The following THSD7B variants were observed in gnomAD, a reference collection of about 807,000 sequenced individuals.
THSD7B encodes the protein thrombospondin type 1 domain containing 7B.
Under a neutral mutation model 213.6 loss-of-function variants are expected in THSD7B, and 138 were observed. That is an observed-to-expected ratio of 0.65 (90% CI 0.56 to 0.74). The LOEUF (loss-of-function observed/expected upper bound fraction) is 0.74, where lower values mean the gene tolerates loss of function less well. THSD7B is among the 30% of genes least tolerant of loss of function. The pLI, the probability that THSD7B is intolerant of heterozygous loss-of-function variation, is 0.00. For synonymous variants in THSD7B, 742 were observed against 687.0 expected, an observed-to-expected ratio of 1.08 and a Z score of -1.25; for missense variants, 1,931 against 1,991.5, an observed-to-expected ratio of 0.97 and a Z score of 0.58.
At chr2:137,369,915 G>A (rs1685505100) in intron 12 of THSD7B, among the ~76,000 whole-genome samples, 1 of 152,074 alleles carries the variant, frequency 6.6e-6, no homozygotes, top group African/African-American at 2.4e-5. Flanking sequence ...CTGGCACATA[G>A]TAAGCCATTA....
chr2:137,498,350 C>A (rs1220147342), intron 15 of THSD7B, among the ~76,000 whole-genome samples: 1 of 133,632 alleles, frequency 7.5e-6, no homozygotes, highest in South Asian at 2.4e-4. Context: ...TTTTTTTTTT[C>A]ATGTGGAAAG....
intron 15 of THSD7B, among the ~76,000 whole-genome samples, chr2:137,558,709 G>T (rs1427282055): frequency 1.3e-5 from 2 of 152,168 alleles, no homozygotes; most frequent in Non-Finnish European, 2.9e-5. Flanking sequence ...GGAAGTTCTG[G>T]CCAGGGCAAT....
intron 1 of THSD7B, among the ~76,000 whole-genome samples, chr2:136,766,930 A>G (rs973297830): frequency 3.3e-5 from 5 of 152,112 alleles, no homozygotes; most frequent in African/African-American, 1.2e-4. Context: ...TGGAAATGGT[A>G]ACCCATGCAG....
intron 3 of THSD7B, among the ~76,000 whole-genome samples, chr2:137,082,676 T>C (rs1687767455): frequency 3.3e-5 from 5 of 152,136 alleles, no homozygotes; most frequent in Admixed American, 3.3e-4. Flanking sequence ...ATGAAGGTAA[T>C]GGCCAAGACC....
chr2:137,250,621 G>A (rs1250794247), intron 10 of THSD7B, among the ~76,000 whole-genome samples: 1 of 152,184 alleles, frequency 6.6e-6, no homozygotes, highest in Non-Finnish European at 1.5e-5. Context: ...CTGCGTTTCA[G>A]GCTGTGTGCT....
chr2:137,114,277 G>A (rs191562671), intron 4 of THSD7B, among the ~76,000 whole-genome samples: 3 of 152,124 alleles, frequency 2.0e-5, no homozygotes, highest in Non-Finnish European at 2.9e-5. Context: ...TACGAATGCC[G>A]CAAGGTTATA....
At chr2:137,167,458 G>T (rs545008550) in intron 6 of THSD7B, among the ~76,000 whole-genome samples, 2 of 151,956 alleles carry the variant, frequency 1.3e-5, no homozygotes, top group African/African-American at 2.4e-5. Flanking sequence ...CAATGGAGTC[G>T]GTGTTGAGAC....
intron 7 of THSD7B, among the ~76,000 whole-genome samples, chr2:137,177,604 T>C (rs569426427): frequency 1.8e-4 from 28 of 152,280 alleles, no homozygotes; most frequent in African/African-American, 6.3e-4. Flanking sequence ...GCTCAAGAAC[T>C]TGTATTTCTG....
intron 1 of THSD7B, among the ~76,000 whole-genome samples, chr2:136,861,216 T>C (rs929577217): frequency 1.4e-4 from 21 of 152,230 alleles, no homozygotes; most frequent in African/African-American, 5.1e-4. Flanking sequence ...GGACCTGGCA[T>C]AGGAATATTA....
At chr2:137,313,705 G>A (rs1259316163) in intron 12 of THSD7B, among the ~76,000 whole-genome samples, 2 of 151,976 alleles carry the variant, frequency 1.3e-5, no homozygotes, top group African/African-American at 4.8e-5. Flanking sequence ...CGGCCTGGTG[G>A]TGACAAAATC....
rs551589815 is a variant in THSD7B, at chr2:136,817,427, A to C, written c.-36+51740A>C. On this transcript the variant is annotated intron_variant, in intron 1 of 27. Coordinates refer to ENST00000409968, the MANE Select transcript of THSD7B (RefSeq NM_001316349.2). ...ATTGCTTTTGGTGTTTTAGACATGA[A>C]GTCCTTGCCCATGCCTATGTCCTGA... 9.9e-4 allele frequency among the ~76,000 whole-genome samples: 150 copies of C among 151,588 alleles called. 1 individual carries two copies. The highest frequency in any genetic ancestry group is 8.9e-3 in the Admixed American group (135 of 15,220).
chr2:137,584,817 T>A (rs970479478), intron 17 of THSD7B, among the ~76,000 whole-genome samples: 1 of 152,118 alleles, frequency 6.6e-6, no homozygotes, highest in African/African-American at 2.4e-5. Flanking sequence ...TGTGTCTCTG[T>A]CAGGCTTTGG....
chr2:137,260,111 A>C (rs372164685), intron 10 of THSD7B, among the ~76,000 whole-genome samples: 19 of 152,344 alleles, frequency 1.2e-4, no homozygotes, highest in African/African-American at 4.1e-4. Context: ...ACACTTTAAA[A>C]ACATTTCAAA....
chr2:137,221,013 G>A (rs966673404), intron 7 of THSD7B, among the ~76,000 whole-genome samples: 2 of 152,198 alleles, frequency 1.3e-5, no homozygotes, highest in Admixed American at 6.5e-5. Context: ...CTTCTCAGTC[G>A]TTCCGAAAAG....
intron 2 of THSD7B, among the ~76,000 whole-genome samples, chr2:136,885,880 G>A (rs1293793031): frequency 6.6e-6 from 1 of 152,118 alleles, no homozygotes; most frequent in African/African-American, 2.4e-5. Flanking sequence ...GAAAAATGAG[G>A]CCAGGAGGAG....
intron 15 of THSD7B, among the ~76,000 whole-genome samples, chr2:137,518,757 A>C (rs1358603961): frequency 1.3e-5 from 2 of 152,212 alleles, no homozygotes; most frequent in Non-Finnish European, 2.9e-5. Flanking sequence ...GCATGGGCTC[A>C]GCAACGTGGA....
At chr2:137,556,442 A>C (rs552188833) in intron 15 of THSD7B, among the ~76,000 whole-genome samples, 2 of 152,278 alleles carry the variant, frequency 1.3e-5, no homozygotes, top group Non-Finnish European at 2.9e-5. Flanking sequence ...CAGCCAAACT[A>C]AGCTTCCTAA....
At chr2:137,303,965 C>A (rs1683677860) in intron 12 of THSD7B, among the ~76,000 whole-genome samples, 1 of 151,338 alleles carries the variant, frequency 6.6e-6, no homozygotes, top group African/African-American at 2.4e-5. Flanking sequence ...CCTAGCCCAC[C>A]ACCCCCTGAC....
intron 2 of THSD7B, among the ~76,000 whole-genome samples, chr2:136,916,810 G>A (rs1184081619): frequency 1.3e-5 from 2 of 152,156 alleles, no homozygotes; most frequent in South Asian, 2.1e-4. Context: ...GGAGGAGGCA[G>A]ATAACACTTA....
Sources: gnomAD v4.1 joint callset for allele counts (sites outside exome capture counted in the v4.1 genomes callset) on GRCh38, gnomAD v4.1.1 for gene constraint, MANE v1.5 for transcripts, NCBI Gene and HGNC (gene_info 2026-07-23, HGNC 2026-07-21) for gene names.